The following CNOT10 variants were observed in gnomAD, a reference collection of about 807,000 sequenced individuals.
CNOT10 encodes CCR4-NOT transcription complex subunit 10, also known as CCR4-NOT transcription complex, subunit 10.
In CNOT10, 30 loss-of-function variants were observed where a neutral mutation model predicts 94.6. The ratio of observed to expected loss-of-function variants is 0.32; its 90% CI spans 0.24 to 0.43. The LOEUF is 0.43. Ranked by LOEUF, CNOT10 falls within the 20% of genes least tolerant of loss-of-function variation. CNOT10 has a pLI of 1.00. For missense variants in CNOT10, 759 were observed against 877.2 expected, an observed-to-expected ratio of 0.87 and a Z score of 1.70; for synonymous variants, 289 against 301.6, an observed-to-expected ratio of 0.96 and a Z score of 0.43.
chr3:32,744,869 TTTTTA>T (rs765977671), intron 13 of CNOT10, among the ~76,000 whole-genome samples: 2 of 152,132 alleles, frequency 1.3e-5, no homozygotes, highest in African/African-American at 2.4e-5. Context: ...ACTTTACTTA[TTTTTA>T]TTTTATTTTA....
At chr3:32,743,139 C>T (rs1247065196) in intron 13 of CNOT10, among the ~76,000 whole-genome samples, 1 of 151,912 alleles carries the variant, frequency 6.6e-6, no homozygotes, top group Non-Finnish European at 1.5e-5. Flanking sequence ...GCATACGCCA[C>T]CATGCCCAGC....
At chr3:32,755,056 G>A (rs1004582302) in intron 13 of CNOT10, among the ~76,000 whole-genome samples, 16 of 151,398 alleles carry the variant, frequency 1.1e-4, no homozygotes, top group African/African-American at 3.6e-4. Context: ...AGACCAGCCT[G>A]GCCAATATGG....
At chr3:32,722,912 A>C (rs541445959) in intron 8 of CNOT10, among the ~76,000 whole-genome samples, 29 of 152,174 alleles carry the variant, frequency 1.9e-4, no homozygotes, top group African/African-American at 7.0e-4. Flanking sequence ...GGTGTGAGCC[A>C]CCGAGCTCAG....
At chr3:32,727,899 C>T (rs777761270) in intron 10 of CNOT10, 29 bp downstream of exon 10, 22 of 1,553,908 alleles carry the variant, frequency 1.4e-5, no homozygotes, top group Non-Finnish European at 1.8e-5. Context: ...TCTTTTTAAA[C>T]CCTGTCTTCT....
chr3:32,758,788 T>A (rs979361933), intron 13 of CNOT10, among the ~76,000 whole-genome samples: 1 of 152,206 alleles, frequency 6.6e-6, no homozygotes, highest in Non-Finnish European at 1.5e-5. Flanking sequence ...TTATAGAAAC[T>A]TAGATTTCCA....
chr3:32,736,232 C>A (rs1170733456), intron 12 of CNOT10, among the ~76,000 whole-genome samples: 1 of 151,992 alleles, frequency 6.6e-6, no homozygotes, highest in Non-Finnish European at 1.5e-5. Flanking sequence ...ATTATAGGCC[C>A]AGCGCCACTA....
Position 32,694,587 on chromosome 3 carries a change from T to TTTTG in CNOT10, c.22+9121_22+9124dup, listed in dbSNP as rs752220080. 5.5e-4 allele frequency among the ~76,000 whole-genome samples: 83 copies of TTTTG among 152,176 alleles called. 1 individual carries two copies. In the East Asian group the frequency reaches 0.014, roughly 25 times the overall value. ...GATATTGTTTTTTCTTCTTTCAGTT[T>TTTTG]TTTGTTTGTTTGTTTGTTTTTTGAG... On this transcript the variant is annotated intron_variant, in intron 1 of 18. Coordinates refer to ENST00000328834, the MANE Select transcript of CNOT10 (RefSeq NM_015442.3).
chr3:32,695,894 A>G (rs1244698532), intron 1 of CNOT10: 3 of 1,289,712 alleles, frequency 2.3e-6, no homozygotes, highest in Non-Finnish European at 3.2e-6. Flanking sequence ...TACAAAAATG[A>G]ATACCCATTT....
intron 3 of CNOT10, among the ~76,000 whole-genome samples, chr3:32,708,421 G>C (rs1697723230): frequency 6.6e-6 from 1 of 152,144 alleles, no homozygotes; most frequent in Non-Finnish European, 1.5e-5. Flanking sequence ...TAATTGTCTA[G>C]CCATGTGCTG....
intron 4 of CNOT10, among the ~76,000 whole-genome samples, chr3:32,711,806 A>T (rs1449485182): frequency 6.6e-6 from 1 of 152,180 alleles, no homozygotes; most frequent in African/African-American, 2.4e-5. Flanking sequence ...GATAATAGGA[A>T]ATAAAGTCAG....
intron 1 of CNOT10, among the ~76,000 whole-genome samples, chr3:32,699,274 A>G (rs7372959): frequency 0.41 from 62,638 of 152,058 alleles, 15,371 homozygotes; most frequent in Non-Finnish European, 0.53. Flanking sequence ...GCAGTTTGCA[A>G]TCTGTTTCTT....
intron 12 of CNOT10, among the ~76,000 whole-genome samples, chr3:32,736,181 G>T (rs1225318240): frequency 6.6e-6 from 1 of 152,052 alleles, no homozygotes; most frequent in African/African-American, 2.4e-5. Context: ...CACCTCACAG[G>T]CTCAAGCGAT....
chr3:32,729,686 T>G (rs531043111), intron 10 of CNOT10, among the ~76,000 whole-genome samples: 1 of 152,206 alleles, frequency 6.6e-6, no homozygotes, highest in Admixed American at 6.5e-5. Context: ...TTAATTATAC[T>G]TTGCTTTTTA....
At chr3:32,709,666 G>A (rs186871952) in intron 4 of CNOT10, among the ~76,000 whole-genome samples, 38 of 152,144 alleles carry the variant, frequency 2.5e-4, no homozygotes, top group African/African-American at 8.7e-4. Flanking sequence ...TGAGAGCTTG[G>A]TAGCTGGACA....
chr3:32,742,486 AC>A (rs1159279797), intron 13 of CNOT10, among the ~76,000 whole-genome samples: 1 of 150,866 alleles, frequency 6.6e-6, no homozygotes, highest in Non-Finnish European at 1.5e-5. Flanking sequence ...GGTGCAAGCG[AC>A]TCTCATGCCT....
intron 8 of CNOT10, among the ~76,000 whole-genome samples, chr3:32,724,204 T>C (rs948979010): frequency 6.6e-6 from 1 of 150,874 alleles, no homozygotes; most frequent in African/African-American, 2.4e-5. Flanking sequence ...TTAAAATCAG[T>C]GGAGACTTAC....
chr3:32,754,629 T>C (rs1214356116), intron 13 of CNOT10, among the ~76,000 whole-genome samples: 28 of 144,418 alleles, frequency 1.9e-4, no homozygotes, highest in Admixed American at 3.5e-4. Context: ...AAGCAATTCT[T>C]CTGCCTCGAC....
chr3:32,773,516 A>T lies in CNOT10; in HGVS notation c.2140A>T (p.Thr714Ser). 1.2e-6 allele frequency: 2 copies of T among 1,614,108 alleles called. No homozygotes were observed. The highest frequency in any genetic ancestry group is 4.5e-5 in the East Asian group (2 of 44,876). Residue 714 changes from threonine (T) to serine (S), a missense_variant, in exon 19 of 19, where the codon ACA (threonine) becomes TCA (serine). Physicochemically the swap from Thr to Ser is moderately conservative, Grantham distance 58. Around this residue, in one of 3 missense-constraint regions of CNOT10, gnomAD observed 73 missense variants for 61.0 expected, o/e 1.20. Coordinates refer to ENST00000328834, the MANE Select transcript of CNOT10 (RefSeq NM_015442.3). Reference protein sequence around the residue: ...KRNQLLPAVKTHSEVRKKPVF... With the variant: ...KRNQLLPAVKSHSEVRKKPVF... ...GAATCAGCTGCTCCCTGCAGTGAAA[A>T]CACACTCTGAAGTGAGAAAGAAGCC...
chr3:32,718,145 G>A (rs191603184), intron 7 of CNOT10, among the ~76,000 whole-genome samples: 139 of 151,930 alleles, frequency 9.1e-4, no homozygotes, highest in Non-Finnish European at 1.8e-4. Context: ...TCTCAGGCAG[G>A]ATCCAGATTA....
Sources: allele counts gnomAD v4.1 joint callset (sites outside exome capture counted in the v4.1 genomes callset), GRCh38; gene constraint gnomAD v4.1.1; regional missense constraint gnomAD v4.1.1; transcripts MANE v1.5; gene names NCBI Gene and HGNC (gene_info 2026-07-23, HGNC 2026-07-21).